ASB3: variants seen among roughly 807,000 people sequenced by gnomAD.
ASB3 encodes the protein ankyrin repeat and SOCS box containing 3.
ASB3 carries 41 observed loss-of-function variants against 54.5 expected under a neutral mutation model. The ratio of observed to expected loss-of-function variants is 0.75; its 90% CI spans 0.59 to 0.98. The LOEUF (loss-of-function observed/expected upper bound fraction) is 0.98, where lower values mean the gene tolerates loss of function less well. ASB3 is among the 50% of genes least tolerant of loss of function. The pLI is 0.00. For missense variants in ASB3, 733 were observed against 620.0 expected (o/e 1.18, Z -1.94); for synonymous variants, 266 against 221.2 (o/e 1.20, Z -1.80).
intron 5 of ASB3, among the ~76,000 whole-genome samples, chr2:53,719,587 C>A (rs894343095): frequency 6.6e-6 from 1 of 151,424 alleles, no homozygotes; most frequent in African/African-American, 2.4e-5. Flanking sequence ...CCAAGATAAT[C>A]CCCCCTTCAC....
chr2:53,712,742 T>C (rs960722301), intron 7 of ASB3, among the ~76,000 whole-genome samples: 22 of 149,244 alleles, frequency 1.5e-4, no homozygotes, highest in Non-Finnish European at 3.1e-4. Context: ...CATCATCATA[T>C]TGAACACACA....
Position 53,728,840 on chromosome 2 carries a change from G to C in ASB3, c.476C>G (p.Ala159Gly), listed in dbSNP as rs538660122. 154 of 1,600,470 alleles carry C rather than the reference G, an allele frequency of 9.6e-5. 2 individuals carry two copies. In the South Asian group the frequency reaches 1.7e-3, roughly 17 times the overall value. The change falls in exon 5 of 10, where the codon GCT becomes GGT. Residue 159 changes from alanine to glycine, a missense_variant. Ala to Gly is a moderately conservative substitution (Grantham distance 60). Coordinates refer to ENST00000263634, the MANE Select transcript of ASB3 (RefSeq NM_016115.5). Reference protein sequence around the residue: ...SLHQASFQENAEIIKLLLRKG... With the variant: ...SLHQASFQENGEIIKLLLRKG... The stretch of plus-strand genomic sequence containing the variant: ...TCTAAGAAGCAATTTTATGATCTCA[G>C]CATTTTCCTAAAGCACAGATTCACA...
chr2:53,693,261 A>G (rs1438099044), intron 9 of ASB3, among the ~76,000 whole-genome samples: 1 of 152,176 alleles, frequency 6.6e-6, no homozygotes, highest in Admixed American at 6.6e-5. Flanking sequence ...TCCCTGTGCA[A>G]AATCTTCCCC....
At chr2:53,696,419 G>T (rs1269544279) in intron 8 of ASB3, among the ~76,000 whole-genome samples, 2 of 152,040 alleles carry the variant, frequency 1.3e-5, no homozygotes, top group African/African-American at 4.8e-5. Context: ...ATTGGGAAAG[G>T]GGGGATAAAT....
intron 2 of ASB3, among the ~76,000 whole-genome samples, chr2:53,758,748 C>T (rs1487857081): frequency 6.6e-6 from 1 of 152,186 alleles, no homozygotes; most frequent in East Asian, 1.9e-4. Context: ...ACTAGGACCA[C>T]AGAGGACGCT....
intron 3 of ASB3, among the ~76,000 whole-genome samples, chr2:53,744,917 TC>T (rs1331175617): frequency 6.6e-6 from 1 of 152,202 alleles, no homozygotes; most frequent in African/African-American, 2.4e-5. Context: ...AACATTCTGT[TC>T]TTATTAAATA....
intron 3 of ASB3, among the ~76,000 whole-genome samples, chr2:53,746,877 G>C (rs1437687038): frequency 6.6e-6 from 1 of 151,874 alleles, no homozygotes; most frequent in East Asian, 1.9e-4. Flanking sequence ...CAATACAAAA[G>C]ATTTATTTCT....
At chr2:53,726,692 AGTTTT>A (rs886431873) in intron 5 of ASB3, among the ~76,000 whole-genome samples, 7 of 151,272 alleles carry the variant, frequency 4.6e-5, no homozygotes, top group African/African-American at 1.5e-4. Context: ...ATATATATAT[AGTTTT>A]GTTTTGTTTT....
intron 1 of ASB3, among the ~76,000 whole-genome samples, chr2:53,784,716 A>T (rs1226783100): frequency 2.0e-5 from 3 of 152,102 alleles, no homozygotes. Context: ...CCCTCTTCTT[A>T]TAAAGATACC....
intron 1 of ASB3, among the ~76,000 whole-genome samples, chr2:53,781,224 A>C (rs1186053438): frequency 6.6e-6 from 1 of 152,098 alleles, no homozygotes; most frequent in Non-Finnish European, 1.5e-5. Context: ...CCTGGGCAAC[A>C]TGGCAAAACC....
At chr2:53,775,516 C>T (rs530402308) in intron 1 of ASB3, among the ~76,000 whole-genome samples, 14 of 152,190 alleles carry the variant, frequency 9.2e-5, no homozygotes, top group Non-Finnish European at 1.9e-4. Flanking sequence ...GCTCTGTTGC[C>T]TAGGCTGGAG....
At chr2:53,674,662 C>T (rs1481650652) in intron 9 of ASB3, among the ~76,000 whole-genome samples, 1 of 152,120 alleles carries the variant, frequency 6.6e-6, no homozygotes, top group Non-Finnish European at 1.5e-5. Flanking sequence ...TCTCTGGTTC[C>T]TTTGAAATGT....
chr2:53,761,093 G>A lies in ASB3; in HGVS notation c.196+4284C>T, dbSNP rs144517398. Among the ~76,000 whole-genome samples the A allele has an allele frequency of 3.6e-3, 551 of 152,220 alleles. 27 individuals carry two copies. The East Asian group carries it at 0.1, about 28-fold the overall frequency. On this transcript the variant is annotated intron_variant, in intron 2 of 9. Transcript: ENST00000263634. ...CAGCACTTGGGTTTTACTGTTGAGA[G>A]GGGGGACTGAGAGACAGGACTAGCT...
At chr2:53,743,018 TA>T (rs1558553523) in intron 3 of ASB3, among the ~76,000 whole-genome samples, 1 of 152,174 alleles carries the variant, frequency 6.6e-6, no homozygotes, top group African/African-American at 2.4e-5. Context: ...AAAATTAGGC[TA>T]GCTTCAGACT....
intron 7 of ASB3, among the ~76,000 whole-genome samples, chr2:53,704,550 T>C (rs1669667840): frequency 6.6e-6 from 1 of 152,132 alleles, no homozygotes. Context: ...ATTTTTCAGC[T>C]TCAATTTTTT....
chr2:53,765,346 G>A, intron 2 of ASB3, 31 bp downstream of exon 2: 2 of 1,613,058 alleles, frequency 1.2e-6, no homozygotes, highest in Non-Finnish European at 1.7e-6. Flanking sequence ...CAGCTTGTAG[G>A]CAAAGCCTCC....
rs143128769 is a variant in ASB3, at chr2:53,765,395, G to C, written c.178C>G (p.Gln60Glu). The part of the protein sequence containing the change: ...AAYHNSVECL[Q>E]MLINADSSEN... ...ACTTTACCTGCATTAATTAACATTT[G>C]CAAACATTCTACAGAGTTGTGATAA... is the stretch of plus-strand genomic sequence containing the variant. Residue 60 changes from glutamine (Q) to glutamate (E), a missense_variant, in exon 2 of 10, where the codon CAA (glutamine) becomes GAA (glutamate). Coordinates refer to ENST00000263634, the MANE Select transcript of ASB3 (RefSeq NM_016115.5). 6.2e-7 allele frequency: 1 copy of C among 1,614,136 alleles called. No homozygotes were observed. The highest frequency in any genetic ancestry group is 8.5e-7 in the Non-Finnish European group (1 of 1,180,016).
chr2:53,674,881 T>C (rs1044452613), intron 9 of ASB3, among the ~76,000 whole-genome samples: 3 of 152,018 alleles, frequency 2.0e-5, no homozygotes, highest in East Asian at 3.9e-4. Flanking sequence ...AAACAAGTAA[T>C]AGATTAGGAC....
intron 2 of ASB3, among the ~76,000 whole-genome samples, chr2:53,762,074 T>C (rs1017377725): frequency 1.3e-5 from 2 of 152,136 alleles, no homozygotes; most frequent in Non-Finnish European, 2.9e-5. Context: ...TGGTCTGTCA[T>C]AGGATGCAGA....
Sources: gnomAD v4.1 joint callset for allele counts (sites outside exome capture counted in the v4.1 genomes callset) on GRCh38, gnomAD v4.1.1 for gene constraint, MANE v1.5 for transcripts, NCBI Gene and HGNC (gene_info 2026-07-23, HGNC 2026-07-21) for gene names.